BCLAF1: variants seen among roughly 807,000 people sequenced by gnomAD.
The protein encoded by BCLAF1 is bcl-2-associated transcription factor 1.
BCLAF1 carries 10 observed loss-of-function variants against 99.5 expected under a neutral mutation model. The ratio of observed to expected loss-of-function variants is 0.10; its 90% CI spans 0.06 to 0.17. BCLAF1 has a LOEUF of 0.17. Ranked by LOEUF, BCLAF1 falls within the 10% of genes least tolerant of loss-of-function variation. The probability of loss-of-function intolerance (pLI) is 1.00; values close to 1 mark genes in which losing one functional copy is unlikely to be tolerated. For missense variants in BCLAF1, 636 were observed against 1,105.8 expected, an observed-to-expected ratio of 0.58 and a Z score of 6.02; for synonymous variants, 255 against 370.9, an observed-to-expected ratio of 0.69 and a Z score of 3.59.
At chr6:136,286,857 A>G (rs1165154118) in intron 1 of BCLAF1, among the ~76,000 whole-genome samples, 2 of 152,094 alleles carry the variant, frequency 1.3e-5, no homozygotes, top group African/African-American at 4.8e-5. Flanking sequence ...AATCCCAGTT[A>G]CTCTGGAGGC....
intron 1 of BCLAF1, among the ~76,000 whole-genome samples, chr6:136,284,310 T>C (rs1236060407): frequency 6.6e-6 from 1 of 151,852 alleles, no homozygotes; most frequent in East Asian, 1.9e-4. Flanking sequence ...TCTATAAATA[T>C]ATTCAAGTAT....
At position 136,278,953 on chromosome 6, in the gene BCLAF1, A is replaced by G. The variant is rs755103518; in HGVS notation, c.105-177T>C. On this transcript the variant is annotated intron_variant, in intron 3 of 12. Coordinates refer to ENST00000531224, the MANE Select transcript of BCLAF1 (RefSeq NM_014739.3). ...ATCAAAAAGCCTCACTAAGGTAAAT[A>G]CTGAGAGAATACCTTAAAGACCTTA... 5.3e-5 allele frequency among the ~76,000 whole-genome samples: 8 copies of G among 151,842 alleles called. No homozygotes were observed. The South Asian group carries it at 1.0e-3, about 20-fold the overall frequency.
At chr6:136,287,201 TTGG>T (rs1785258475) in intron 1 of BCLAF1, among the ~76,000 whole-genome samples, 2 of 150,880 alleles carry the variant, frequency 1.3e-5, no homozygotes, top group African/African-American at 4.9e-5. Flanking sequence ...TCCCAGCTAC[TTGG>T]GAGGCTGAGA....
rs1159720947 is a variant in BCLAF1, at chr6:136,256,878, T to C, written c.*4232A>G. On this transcript the variant is annotated 3_prime_UTR_variant, in exon 13 of 13. Coordinates refer to ENST00000531224, the MANE Select transcript of BCLAF1 (RefSeq NM_014739.3). ...CACTATTCTGGAGGGTGAGTGGTAT[T>C]TTTTATTTATTGTTGCTCTTCGCAT... is the stretch of plus-strand genomic sequence containing the variant. The C allele has an allele frequency of 6.6e-6, 1 of 152,160 alleles. No individual in the cohort carries two copies. The highest frequency in any genetic ancestry group is 6.5e-5 in the Admixed American group (1 of 15,274). 9.4% of individuals were successfully genotyped at this position (152,160 alleles called of 1,614,324 possible). A position where few individuals can be genotyped will look rare whatever the true frequency, so the allele number is the denominator to read the frequency against.
chr6:136,275,082 C>T (rs1273378941), intron 6 of BCLAF1, among the ~76,000 whole-genome samples: 2 of 151,932 alleles, frequency 1.3e-5, no homozygotes, highest in African/African-American at 2.4e-5. Flanking sequence ...TCCACCATTT[C>T]AGATTTCTTT....
rs776093526 is a variant in BCLAF1, at chr6:136,276,130, T to C, written c.1395A>G (p.Gly465=). ...TAGTGCTAGGCCTTTCCACTACATA[T>C]CCAGTCTCTTTAAGTTTATAATTTT... ...EEKNYKLKET[G]YVVERPSTTK... Residue 465 remains glycine (G), a synonymous_variant, in exon 5 of 13, where the codon GGA becomes GGG. Transcript: ENST00000531224. The C allele has an allele frequency of 6.2e-7, 1 of 1,613,278 alleles. No homozygotes were observed. The highest frequency in any genetic ancestry group is 1.1e-5 in the South Asian group (1 of 90,902).
At chr6:136,284,109 CATATAT>C (rs200877081) in intron 1 of BCLAF1, among the ~76,000 whole-genome samples, 4 of 113,014 alleles carry the variant, frequency 3.5e-5, no homozygotes, top group African/African-American at 1.8e-4. Flanking sequence ...TATATATATA[CATATAT>C]ATGTGTGTGT....
At chr6:136,261,161 G>C (rs370252607) in intron 12 of BCLAF1, 46 bp from the exon 13 acceptor site, 1 of 1,566,458 alleles carries the variant, frequency 6.4e-7, no homozygotes. Flanking sequence ...GATGCGGAGA[G>C]TGAAAAGGAA....
chr6:136,269,084 CT>C (rs1782152170), intron 9 of BCLAF1: 11 of 1,127,498 alleles, frequency 9.8e-6, no homozygotes, highest in Non-Finnish European at 1.2e-5. Flanking sequence ...TTCTTGTACT[CT>C]GGGTGTTATG....
At chr6:136,268,781 G>C (rs1782102377) in intron 9 of BCLAF1, 1 of 167,582 alleles carries the variant, frequency 6.0e-6, no homozygotes, top group African/African-American at 2.4e-5. Context: ...AAAAGCATAT[G>C]ACATTACAAA....
At chr6:136,274,280 G>T in intron 6 of BCLAF1, 1 of 396,458 alleles carries the variant, frequency 2.5e-6, no homozygotes, top group Non-Finnish European at 3.8e-6. Flanking sequence ...TACCAATTAT[G>T]AAACATTACT....
chr6:136,268,728 A>G (rs1782092258), intron 9 of BCLAF1: 1 of 194,644 alleles, frequency 5.1e-6, no homozygotes, highest in Non-Finnish European at 1.1e-5. Flanking sequence ...CCTGGGTGAA[A>G]ATAGTTGGTA....
rs1314890464 is a variant in BCLAF1 at position 136,275,717 on chromosome 6, A to C, written c.1683-16T>G. 7 of 1,570,900 alleles carry C rather than the reference A, an allele frequency of 4.5e-6. No individual in the cohort carries two copies. Among genetic ancestry groups the C allele is most frequent in the Middle Eastern group, 1.7e-4 (1 of 5,832 alleles). On this transcript the variant is annotated splice_polypyrimidine_tract_variant and intron_variant, in intron 5 of 12. Coordinates refer to ENST00000531224, the MANE Select transcript of BCLAF1 (RefSeq NM_014739.3). ...GGAAGCAGGTCTGGAACATATTGAT[A>C]ACACACACACACACAAAATATACCA...
chr6:136,268,776 C>T (rs545881987), intron 9 of BCLAF1: 1 of 169,526 alleles, frequency 5.9e-6, no homozygotes, highest in East Asian at 1.7e-4. Context: ...AAATAAAAAG[C>T]ATATGACATT....
chr6:136,286,789 A>T (rs1221114034), intron 1 of BCLAF1, among the ~76,000 whole-genome samples: 2 of 152,130 alleles, frequency 1.3e-5, no homozygotes, highest in Non-Finnish European at 2.9e-5. Flanking sequence ...CCAACATGCC[A>T]AAACCCCGTC....
intron 7 of BCLAF1, among the ~76,000 whole-genome samples, chr6:136,272,297 A>G (rs1782649481): frequency 6.6e-6 from 1 of 151,972 alleles, no homozygotes; most frequent in South Asian, 2.1e-4. Context: ...TATAGAAGTG[A>G]AGTCTGGCCT....
chr6:136,277,255 C>G (rs1584069518), intron 4 of BCLAF1, among the ~76,000 whole-genome samples: 1 of 152,318 alleles, frequency 6.6e-6, no homozygotes, highest in East Asian at 1.9e-4. Context: ...TTTGTATAGT[C>G]AGGCTGAAAT....
chr6:136,280,626 CAG>C (rs1784260607), intron 2 of BCLAF1, among the ~76,000 whole-genome samples: 1 of 148,338 alleles, frequency 6.7e-6, no homozygotes, highest in Admixed American at 6.7e-5. Flanking sequence ...ACTTGGGCAC[CAG>C]TAGTTTAACT....
At chr6:136,272,198 C>T in intron 7 of BCLAF1, 119 bp from the exon 8 acceptor site, 1 of 633,942 alleles carries the variant, frequency 1.6e-6, no homozygotes, top group Non-Finnish European at 2.7e-6. Flanking sequence ...TAATTTAGCA[C>T]ACCAAGACTA....
Sources: gnomAD v4.1 joint callset for allele counts (sites outside exome capture counted in the v4.1 genomes callset) on GRCh38, gnomAD v4.1.1 for gene constraint, MANE v1.5 for transcripts, NCBI Gene and HGNC (gene_info 2026-07-23, HGNC 2026-07-21) for gene names.